The following PACSIN2 variants were observed in gnomAD, a reference collection of about 807,000 sequenced individuals.
PACSIN2 encodes protein kinase C and casein kinase substrate in neurons protein 2.
In PACSIN2, 25 loss-of-function variants were observed where a neutral mutation model predicts 63.8. That is an observed-to-expected ratio of 0.39 (90% CI 0.29 to 0.55). The LOEUF (loss-of-function observed/expected upper bound fraction) is 0.55, where lower values mean the gene tolerates loss of function less well. PACSIN2 is among the 20% of genes least tolerant of loss of function. The probability of loss-of-function intolerance (pLI) is 0.62; values close to 1 mark genes in which losing one functional copy is unlikely to be tolerated. For missense variants in PACSIN2, 518 were observed against 646.9 expected (o/e 0.80, Z 2.16); for synonymous variants, 255 against 256.2 (o/e 1.00, Z 0.05).
chr22:42,930,743 C>T (rs1932765608), intron 1 of PACSIN2, among the ~76,000 whole-genome samples: 1 of 152,134 alleles, frequency 6.6e-6, no homozygotes, highest in Non-Finnish European at 1.5e-5. Flanking sequence ...TTTGACAGTT[C>T]AAGTTCAAAA....
chr22:42,872,798 C>T (rs137876228), intron 10 of PACSIN2, among the ~76,000 whole-genome samples: 3 of 152,280 alleles, frequency 2.0e-5, no homozygotes, highest in African/African-American at 7.2e-5. Flanking sequence ...CACTGTCGTG[C>T]CGCTTCTGCC....
At chr22:42,884,733 G>C (rs1275310076) in intron 5 of PACSIN2, among the ~76,000 whole-genome samples, 172 bp from the exon 6 acceptor site, 2 of 152,252 alleles carry the variant, frequency 1.3e-5, no homozygotes, top group Non-Finnish European at 2.9e-5. Context: ...CCTGCAAGGT[G>C]AATCACACTC....
chr22:42,958,472 CTTTGG>C (rs928862307), intron 1 of PACSIN2, among the ~76,000 whole-genome samples: 6 of 152,194 alleles, frequency 3.9e-5, no homozygotes, highest in Non-Finnish European at 7.4e-5. Context: ...TGTAAAAATG[CTTTGG>C]TTTGAAGTTA....
chr22:42,940,566 C>T (rs1424144804), intron 1 of PACSIN2, among the ~76,000 whole-genome samples: 2 of 152,194 alleles, frequency 1.3e-5, no homozygotes, highest in Non-Finnish European at 2.9e-5. Flanking sequence ...ATATGAGCCC[C>T]GCCCTGGGAC....
chr22:42,919,016 G>A (rs1325742743), intron 1 of PACSIN2, among the ~76,000 whole-genome samples: 8 of 152,122 alleles, frequency 5.3e-5, no homozygotes, highest in Non-Finnish European at 8.8e-5. Flanking sequence ...AGGTTGAGCC[G>A]ACTACAACGA....
intron 6 of PACSIN2, among the ~76,000 whole-genome samples, chr22:42,882,581 G>A (rs1027290596): frequency 2.6e-5 from 4 of 152,228 alleles, no homozygotes; most frequent in African/African-American, 9.7e-5. Flanking sequence ...ACCAGCAGGT[G>A]GGCTGTGTGG....
chr22:42,975,841 G>A (rs1248666906), intron 1 of PACSIN2, among the ~76,000 whole-genome samples: 1 of 152,094 alleles, frequency 6.6e-6, no homozygotes, highest in Admixed American at 6.6e-5. Flanking sequence ...TATTTTACAT[G>A]AATTTTAAGT....
intron 1 of PACSIN2, among the ~76,000 whole-genome samples, chr22:42,956,474 C>A (rs906336995): frequency 2.6e-5 from 4 of 152,172 alleles, no homozygotes; most frequent in Admixed American, 6.5e-5. Context: ...AAAGTAATCA[C>A]TATGGAAAAG....
At chr22:42,948,096 C>G (rs750514898) in intron 1 of PACSIN2, among the ~76,000 whole-genome samples, 1 of 152,180 alleles carries the variant, frequency 6.6e-6, no homozygotes, top group African/African-American at 2.4e-5. Context: ...GCAGGAGCAG[C>G]AAGGAAAGGC....
chr22:42,919,523 C>T (rs1157022033), intron 1 of PACSIN2, among the ~76,000 whole-genome samples: 4 of 152,062 alleles, frequency 2.6e-5, no homozygotes, highest in African/African-American at 9.7e-5. Context: ...GCCTGTAATT[C>T]CAGCACTTCG....
At chr22:42,906,493 A>C (rs1931082865) in intron 2 of PACSIN2, among the ~76,000 whole-genome samples, 1 of 152,268 alleles carries the variant, frequency 6.6e-6, no homozygotes, top group Non-Finnish European at 1.5e-5. Flanking sequence ...AGACAAAGGC[A>C]GCCCACACGT....
chr22:42,931,166 T>C (rs961470185), intron 1 of PACSIN2, among the ~76,000 whole-genome samples: 10 of 152,234 alleles, frequency 6.6e-5, no homozygotes, highest in African/African-American at 2.4e-4. Flanking sequence ...TTCACAGTTG[T>C]ATCCCACGGC....
chr22:42,909,346 CA>C (rs1420943415), intron 2 of PACSIN2: 3 of 347,428 alleles, frequency 8.6e-6, no homozygotes, highest in African/African-American at 6.5e-5. Flanking sequence ...AAATTAAACA[CA>C]AAAAACTTTT....
chr22:42,887,248 G>A (rs1051347965), intron 5 of PACSIN2, among the ~76,000 whole-genome samples: 1 of 152,194 alleles, frequency 6.6e-6, no homozygotes, highest in African/African-American at 2.4e-5. Flanking sequence ...TCTGAGTGAC[G>A]AACTCTCGTG....
rs367555600 is a variant in PACSIN2 at position 42,876,974 on chromosome 22, C to T, written c.1065G>A (p.Ala355=). 46 of 1,614,126 alleles carry T rather than the reference C, an allele frequency of 2.8e-5. No individual in the cohort carries two copies. Among genetic ancestry groups the T allele is most frequent in the African/African-American group, 4.0e-5 (3 of 75,026 alleles). ...AGGGGTTGTAGCTGGACTGTGACTG[C>T]GCAGACTGGGCGGGGTTGCTCGGGA... ...LNVPSNPAQS[A]QSQSSYNPFE... The change falls in exon 9 of 11, where the codon GCG becomes GCA. Residue 355 remains alanine, a synonymous_variant. Transcript: ENST00000263246.
At chr22:42,892,110 T>C (rs948723489) in intron 3 of PACSIN2, among the ~76,000 whole-genome samples, 1 of 152,126 alleles carries the variant, frequency 6.6e-6, no homozygotes, top group Non-Finnish European at 1.5e-5. Flanking sequence ...CGCCTCTCCC[T>C]ACTCACTGTT....
At chr22:43,004,652 C>T in intron 1 of PACSIN2, among the ~76,000 whole-genome samples, 1 of 152,204 alleles carries the variant, frequency 6.6e-6, no homozygotes, top group Non-Finnish European at 1.5e-5. Flanking sequence ...AAGACAAATG[C>T]AGTTTAAAAC....
intron 1 of PACSIN2, among the ~76,000 whole-genome samples, chr22:42,912,503 C>T (rs1024549278): frequency 1.3e-5 from 2 of 152,214 alleles, no homozygotes; most frequent in African/African-American, 2.4e-5. Flanking sequence ...TGACACCCTA[C>T]TCCCCTCTCC....
intron 1 of PACSIN2, among the ~76,000 whole-genome samples, chr22:42,949,105 C>T (rs1032069770): frequency 1.5e-4 from 23 of 152,148 alleles, no homozygotes; most frequent in African/African-American, 5.3e-4. Context: ...CCAGCCTGAG[C>T]AACAAGGTGG....
Sources: gnomAD v4.1 joint callset for allele counts (sites outside exome capture counted in the v4.1 genomes callset) on GRCh38, gnomAD v4.1.1 for gene constraint, MANE v1.5 for transcripts, NCBI Gene and HGNC (gene_info 2026-07-23, HGNC 2026-07-21) for gene names.